Variants in TUSC3 observed in about 807,000 individuals in gnomAD.
TUSC3 encodes dolichyl-diphosphooligosaccharide--protein glycosyltransferase subunit TUSC3.
Under a neutral mutation model 44.8 loss-of-function variants are expected in TUSC3, and 45 were observed. The ratio of observed to expected loss-of-function variants is 1.00; its 90% CI spans 0.79 to 1.29. The LOEUF (loss-of-function observed/expected upper bound fraction) is 1.29, where lower values mean the gene tolerates loss of function less well. TUSC3 is among the 50% of genes most tolerant of loss of function. The pLI is 0.00. For synonymous variants in TUSC3, 212 were observed against 152.9 expected (o/e 1.39, Z -2.85); for missense variants, 519 against 437.9 (o/e 1.19, Z -1.65).
At chr8:15,679,967 A>T (rs558726150) in intron 6 of TUSC3, among the ~76,000 whole-genome samples, 5 of 152,092 alleles carry the variant, frequency 3.3e-5, no homozygotes, top group Non-Finnish European at 7.4e-5. Context: ...TACCAATACC[A>T]TGCTGTTTTG....
At chr8:15,719,516 C>CCACACACACACACA (rs56066329) in intron 6 of TUSC3, among the ~76,000 whole-genome samples, 2 of 16,194 alleles carry the variant, frequency 1.2e-4, no homozygotes, top group Non-Finnish European at 3.0e-4. Context: ...CACACACACA[C>CCACACACACACACA]CACACACACA....
intron 1 of TUSC3, among the ~76,000 whole-genome samples, chr8:15,473,667 A>T (rs1160923888): frequency 6.6e-6 from 1 of 152,170 alleles, no homozygotes; most frequent in Non-Finnish European, 1.5e-5. Flanking sequence ...GAGCCGCAAA[A>T]CCAGCAAGTT....
At chr8:15,626,827 G>C (rs1285580376) in intron 2 of TUSC3, among the ~76,000 whole-genome samples, 2 of 152,226 alleles carry the variant, frequency 1.3e-5, no homozygotes, top group African/African-American at 4.8e-5. Context: ...GAGAGTGGCT[G>C]AGGGGGGCCC....
At chr8:15,815,948 G>A in the TUSC3 span, among the ~76,000 whole-genome samples, 2 of 152,138 alleles carry the variant, frequency 1.3e-5, no homozygotes, top group South Asian at 4.1e-4. Context: ...CCCATAAGTA[G>A]CAATTAATGG....
At chr8:15,596,104 A>T (rs1366889126) in intron 1 of TUSC3, among the ~76,000 whole-genome samples, 1 of 152,208 alleles carries the variant, frequency 6.6e-6, no homozygotes, top group African/African-American at 2.4e-5. Context: ...TCTCAGAATG[A>T]GTTTACAAGA....
chr8:15,616,515 T>G (rs1804993429), intron 1 of TUSC3, among the ~76,000 whole-genome samples: 2 of 152,196 alleles, frequency 1.3e-5, no homozygotes, highest in Admixed American at 1.3e-4. Flanking sequence ...AGGTGGAGGT[T>G]GTAATTTGCG....
intron 1 of TUSC3, among the ~76,000 whole-genome samples, chr8:15,481,968 C>G (rs1233951937): frequency 6.6e-6 from 1 of 152,138 alleles, no homozygotes; most frequent in African/African-American, 2.4e-5. Flanking sequence ...ACCATTTTAC[C>G]ACTTTGAAAA....
intron 1 of TUSC3, among the ~76,000 whole-genome samples, chr8:15,565,171 T>A (rs1802618772): frequency 6.6e-6 from 1 of 151,780 alleles, no homozygotes; most frequent in Non-Finnish European, 1.5e-5. Flanking sequence ...GGAGCCTTTT[T>A]TTTTTTTTGT....
At chr8:15,731,467 C>G (rs1239585188) in intron 7 of TUSC3, among the ~76,000 whole-genome samples, 1 of 151,954 alleles carries the variant, frequency 6.6e-6, no homozygotes, top group East Asian at 1.9e-4. Context: ...TAGTCTAGAC[C>G]AAATTGTCCA....
intron 2 of TUSC3, among the ~76,000 whole-genome samples, chr8:15,637,440 T>G (rs1030198750): frequency 2.6e-5 from 4 of 152,184 alleles, no homozygotes; most frequent in Non-Finnish European, 5.9e-5. Flanking sequence ...GTTTTTTATT[T>G]CTATTTCTAG....
chr8:15,809,288 A>C, the TUSC3 span, among the ~76,000 whole-genome samples: 2 of 152,188 alleles, frequency 1.3e-5, no homozygotes, highest in Admixed American at 6.5e-5. Flanking sequence ...TCTTTAACAA[A>C]ACATAGTTAC....
At chr8:15,596,306 T>C (rs1804063194) in intron 1 of TUSC3, among the ~76,000 whole-genome samples, 1 of 152,164 alleles carries the variant, frequency 6.6e-6, no homozygotes, top group African/African-American at 2.4e-5. Flanking sequence ...AAAAATTATT[T>C]GGAACTTCAG....
intron 1 of TUSC3, among the ~76,000 whole-genome samples, chr8:15,617,105 G>A (rs1352941491): frequency 1.2e-5 from 1 of 84,788 alleles, no homozygotes; most frequent in African/African-American, 4.2e-5. Flanking sequence ...ATTTGTTTCT[G>A]TATCTATCTG....
the TUSC3 span, among the ~76,000 whole-genome samples, chr8:15,803,241 C>G: frequency 6.6e-6 from 1 of 152,062 alleles, no homozygotes; most frequent in East Asian, 1.9e-4. Context: ...AATTTTGTGG[C>G]AATTTTTCAT....
chr8:15,778,432 A>C, the TUSC3 span, among the ~76,000 whole-genome samples: 2 of 152,152 alleles, frequency 1.3e-5, no homozygotes, highest in Non-Finnish European at 2.9e-5. Flanking sequence ...ATGCCTGGGG[A>C]CTAAATTCAA....
chr8:15,851,207 C>T, the TUSC3 span, among the ~76,000 whole-genome samples: 1 of 152,126 alleles, frequency 6.6e-6, no homozygotes. Context: ...TGTTATTTTT[C>T]CAGTTCCCAT....
intron 1 of TUSC3, among the ~76,000 whole-genome samples, chr8:15,448,108 C>CATATATATATATATATATATAT (rs376338237): frequency 4.1e-5 from 4 of 96,514 alleles, no homozygotes; most frequent in African/African-American, 2.1e-4. Flanking sequence ...AGTGTATATA[C>CATATATATATATATATATATAT]ATATATATAT....
At chr8:15,629,227 G>A (rs1805646669) in intron 2 of TUSC3, among the ~76,000 whole-genome samples, 1 of 151,984 alleles carries the variant, frequency 6.6e-6, no homozygotes, top group South Asian at 2.1e-4. Flanking sequence ...ATTATAGAGG[G>A]ATGCCTTGGA....
the TUSC3 span, among the ~76,000 whole-genome samples, chr8:15,779,075 A>G: frequency 1.7e-4 from 26 of 151,238 alleles, no homozygotes; most frequent in South Asian, 4.2e-4. Context: ...AAGTACTAGA[A>G]GCAGGCCACC....
Sources: allele counts gnomAD v4.1 joint callset (sites outside exome capture counted in the v4.1 genomes callset), GRCh38; gene constraint gnomAD v4.1.1; transcripts MANE v1.5; gene names NCBI Gene and HGNC (gene_info 2026-07-23, HGNC 2026-07-21).